The following IL31RA variants were observed in gnomAD, a reference collection of about 807,000 sequenced individuals.
IL31RA encodes interleukin-31 receptor subunit alpha.
A neutral mutation model predicts 83.7 loss-of-function variants in IL31RA; 66 were observed. The ratio of observed to expected loss-of-function variants is 0.79; its 90% CI spans 0.65 to 0.97. The LOEUF is 0.97. Among genes scored for constraint, IL31RA ranks in the 50% least tolerant of loss-of-function variants. IL31RA has a pLI of 0.00. For synonymous variants in IL31RA, 325 were observed against 329.0 expected (o/e 0.99, Z 0.13); for missense variants, 798 against 919.4 (o/e 0.87, Z 1.71).
intron 2 of IL31RA, among the ~76,000 whole-genome samples, chr5:55,859,844 A>G (rs570886016): frequency 1.3e-5 from 2 of 152,326 alleles, no homozygotes; most frequent in South Asian, 4.1e-4. Flanking sequence ...ACAACCCCCA[A>G]AATGCTGAGA....
At chr5:55,861,408 A>G (rs1319170251) in intron 2 of IL31RA, among the ~76,000 whole-genome samples, 3 of 152,214 alleles carry the variant, frequency 2.0e-5, no homozygotes, top group Non-Finnish European at 4.4e-5. Flanking sequence ...CAGCAGCGGC[A>G]TGAGATTCTC....
At chr5:55,864,495 T>A (rs10056313) in intron 2 of IL31RA, among the ~76,000 whole-genome samples, 104,739 of 149,360 alleles carry the variant, frequency 0.7, 36,830 homozygotes, top group Middle Eastern at 0.79. Context: ...CACATCATAA[T>A]CATACTACAC....
chr5:55,867,133 GTGCA>G (rs1746126229), intron 2 of IL31RA, among the ~76,000 whole-genome samples: 1 of 97,052 alleles, frequency 1.0e-5, no homozygotes, highest in Non-Finnish European at 2.6e-5. Flanking sequence ...TTGTGTGTGT[GTGCA>G]TGTGTGTGTG....
At chr5:55,904,507 A>G (rs1258212048) in intron 8 of IL31RA, among the ~76,000 whole-genome samples, 2 of 152,186 alleles carry the variant, frequency 1.3e-5, no homozygotes, top group Admixed American at 6.5e-5. Flanking sequence ...GGTGGGGTCA[A>G]TCTCCAGGCT....
Position 55,916,761 on chromosome 5 carries a change from A to G in IL31RA, c.1936A>G (p.Asn646Asp). 2 of 1,614,194 alleles carry G rather than the reference A, an allele frequency of 1.2e-6. No homozygotes were observed. The highest frequency in any genetic ancestry group is 1.3e-5 in the African/African-American group (1 of 75,048). Reference sequence around the variant, plus strand: ...TGACAAGTTGGTGGTGAACTTTGGGAATGTTCTGCAAGAAATTTTCACAGA... The same window carrying G: ...TGACAAGTTGGTGGTGAACTTTGGGGATGTTCTGCAAGAAATTTTCACAGA... The part of the protein sequence containing the change: ...VIDKLVVNFG[N>D]VLQEIFTDEA... The change falls in exon 15 of 15, where the codon AAT becomes GAT. Residue 646 changes from asparagine to aspartate, a missense_variant. By Grantham distance (23) the Asn-to-Asp change is conservative (BLOSUM62 1). Transcript: ENST00000652347.
In IL31RA at chr5:55,920,161, G is replaced by A. The variant is rs62361958; in HGVS notation, c.*3041G>A. On this transcript the variant is annotated 3_prime_UTR_variant, in exon 15 of 15. Transcript: ENST00000652347. ...AACACCACGCAAGGGTCTGGAGGAG[G>A]CAGGAGATGGGGAGAGATGAAAAAG... Among the ~76,000 whole-genome samples, 20,685 of 152,214 alleles carry A rather than the reference G, an allele frequency of 0.14. 1,492 individuals are homozygous for A. The highest frequency in any genetic ancestry group is 0.25 in the Middle Eastern group (74 of 294).
rs1750137014 is a variant in IL31RA, at chr5:55,922,408, G to C, written c.*5288G>C. 1 of 1,550,710 alleles carries C rather than the reference G, an allele frequency of 6.4e-7. No individual in the cohort carries two copies. The highest frequency in any genetic ancestry group is 1.4e-5 in the African/African-American group (1 of 73,044). On this transcript the variant is annotated 3_prime_UTR_variant, in exon 15 of 15. Transcript: ENST00000652347. The stretch of plus-strand genomic sequence containing the variant: ...ATTTCATTTTTAGGACTAGAATTCT[G>C]TCTTCCTGCCCAACTTCAATATAAG...
At position 55,922,339 on chromosome 5, in the gene IL31RA, T is replaced by C; in HGVS notation, c.*5219T>C. On this transcript the variant is annotated 3_prime_UTR_variant, in exon 15 of 15. Transcript: ENST00000652347. ...AGAGGGCAAAACCTGCTGTCAGCAA[T>C]GCTCTCGTGGCTGTTCAAGGGAAGT... is the stretch of plus-strand genomic sequence containing the variant. 1 of 1,456,730 alleles carries C rather than the reference T, an allele frequency of 6.9e-7. No individual in the cohort carries two copies. The highest frequency in any genetic ancestry group is 9.4e-7 in the Non-Finnish European group (1 of 1,060,984). The allele number at this position is 1,456,730 out of a possible 1,614,324, so 90.2% of individuals were successfully genotyped here. A position where few individuals can be genotyped will look rare whatever the true frequency, so the allele number is the denominator to read the frequency against.
At chr5:55,860,687 G>A (rs898599767) in intron 2 of IL31RA, among the ~76,000 whole-genome samples, 3 of 152,156 alleles carry the variant, frequency 2.0e-5, no homozygotes, top group Non-Finnish European at 4.4e-5. Context: ...ACAATAGCTT[G>A]TAGATCTAAG....
Position 55,867,189 on chromosome 5 carries a change from TTG to T in IL31RA, c.155-1594_155-1593del, listed in dbSNP as rs745751125. Among the ~76,000 whole-genome samples the T allele has an allele frequency of 2.3e-3, 72 of 31,282 alleles. 5 individuals carry two copies. Among genetic ancestry groups the T allele is most frequent in the South Asian group, 0.02 (18 of 914 alleles). 20.5% of individuals were successfully genotyped at this position (31,282 alleles called of 152,430 possible). On this transcript the variant is annotated intron_variant, in intron 2 of 14. Transcript: ENST00000652347. ...TGTGCATGTGTGTGTGCATGTGTGT[TTG>T]TGTGTGTTTGTGTGTGTGCGCATGT...
intron 12 of IL31RA, among the ~76,000 whole-genome samples, chr5:55,911,400 A>G (rs887813721): frequency 1.3e-5 from 2 of 152,164 alleles, no homozygotes; most frequent in African/African-American, 4.8e-5. Flanking sequence ...CAGCCAAACC[A>G]TATCACTGTA....
At chr5:55,840,572 C>A in the IL31RA span, among the ~76,000 whole-genome samples, 1 of 152,174 alleles carries the variant, frequency 6.6e-6, no homozygotes, top group Non-Finnish European at 1.5e-5. Flanking sequence ...AAAAAATGTC[C>A]TGCCTTCATG....
rs140174618 is a variant in IL31RA at position 55,910,539 on chromosome 5, A to G, written c.1509A>G (p.Thr503=). ...QAEGGKGFSK[T]VNSSILQYGL... is the part of the protein sequence containing the mutation. ...TTTGTATTTTTCCTTTAGCCAAGAC[A>G]GTCAATTCCAGCATCTTGCAGTACG... The change falls in exon 12 of 15, where the codon ACA becomes ACG. Residue 503 remains threonine, a synonymous_variant. Coordinates refer to ENST00000652347, the MANE Select transcript of IL31RA (RefSeq NM_139017.7). 42 of 1,614,044 alleles carry G rather than the reference A, an allele frequency of 2.6e-5. No homozygotes were observed. The highest frequency in any genetic ancestry group is 3.5e-5 in the Non-Finnish European group (41 of 1,180,042).
intron 3 of IL31RA, among the ~76,000 whole-genome samples, chr5:55,871,758 A>T (rs1305641936): frequency 1.3e-5 from 2 of 151,992 alleles, no homozygotes; most frequent in Non-Finnish European, 2.9e-5. Flanking sequence ...CATGATATGC[A>T]TCCTACTTTT....
rs1383581612 is a variant in IL31RA, at chr5:55,913,573, G to A, written c.1736+3G>A. On this transcript the variant is annotated splice_donor_region_variant and intron_variant, in intron 13 of 14. Coordinates refer to ENST00000652347, the MANE Select transcript of IL31RA (RefSeq NM_139017.7). ...GCATATGGTCTCAAAAAACCCAAGTGAGTCTGCAGACAACAGTGGGTGCCT... is the reference window on the plus strand; with the variant it reads ...GCATATGGTCTCAAAAAACCCAAGTAAGTCTGCAGACAACAGTGGGTGCCT... 1.3e-6 allele frequency: 2 copies of A among 1,589,204 alleles called. No individual in the cohort carries two copies. Among genetic ancestry groups the A allele is most frequent in the Admixed American group, 3.3e-5 (2 of 59,966 alleles).
intron 5 of IL31RA, among the ~76,000 whole-genome samples, chr5:55,887,623 A>T (rs948417856): frequency 6.6e-6 from 1 of 152,172 alleles, no homozygotes; most frequent in African/African-American, 2.4e-5. Context: ...ACGGTGGCTC[A>T]CGCCTGTAAT....
the IL31RA span, among the ~76,000 whole-genome samples, chr5:55,841,030 G>A: frequency 1.1e-3 from 167 of 152,248 alleles, no homozygotes; most frequent in African/African-American, 3.7e-3. Flanking sequence ...AAGATATTGA[G>A]ATCTGATCCA....
chr5:55,907,848 C>A (rs1257234522), intron 10 of IL31RA, among the ~76,000 whole-genome samples: 1 of 152,166 alleles, frequency 6.6e-6, no homozygotes, highest in Non-Finnish European at 1.5e-5. Context: ...TAAGCAAAGG[C>A]TTTACTGGTG....
chr5:55,845,036 C>T, the IL31RA span, among the ~76,000 whole-genome samples: 1 of 152,176 alleles, frequency 6.6e-6, no homozygotes, highest in African/African-American at 2.4e-5. Flanking sequence ...TCCACTCACC[C>T]TTAGCATATT....
Sources: gnomAD v4.1 joint callset for allele counts (sites outside exome capture counted in the v4.1 genomes callset) on GRCh38, gnomAD v4.1.1 for gene constraint, MANE v1.5 for transcripts, NCBI Gene and HGNC (gene_info 2026-07-23, HGNC 2026-07-21) for gene names.